RANBP2: variants seen among roughly 807,000 people sequenced by gnomAD.
The protein encoded by RANBP2 is E3 SUMO-protein ligase RanBP2.
RANBP2 carries 57 observed loss-of-function variants against 303.6 expected under a neutral mutation model. That is an observed-to-expected ratio of 0.19 (90% CI 0.15 to 0.23). The LOEUF is 0.23. RANBP2 is among the 10% of genes least tolerant of loss of function. The pLI, the probability that RANBP2 is intolerant of heterozygous loss-of-function variation, is 1.00. For synonymous variants in RANBP2, 1,167 were observed against 1,301.5 expected (o/e 0.90, Z 2.23); for missense variants, 3,138 against 3,780.8 (o/e 0.83, Z 4.46).
the RANBP2 span, among the ~76,000 whole-genome samples, chr2:109,509,694 C>T: frequency 1.3e-5 from 2 of 152,042 alleles, no homozygotes; most frequent in African/African-American, 2.4e-5. Context: ...ATCCTCCACC[C>T]CCTGCACCCT....
the RANBP2 span, among the ~76,000 whole-genome samples, chr2:109,424,894 GT>G: frequency 6.6e-6 from 1 of 152,188 alleles, no homozygotes; most frequent in Non-Finnish European, 1.5e-5. Context: ...CTCACTTTAA[GT>G]CAAAAGTTAG....
At chr2:109,230,162 C>T in the RANBP2 span, among the ~76,000 whole-genome samples, 22,120 of 151,840 alleles carry the variant, frequency 0.15, 3,045 homozygotes, top group African/African-American at 0.35. Flanking sequence ...AATATTCCGT[C>T]GTATGGATAT....
the RANBP2 span, among the ~76,000 whole-genome samples, chr2:109,425,667 T>G: frequency 6.6e-6 from 1 of 151,556 alleles, no homozygotes; most frequent in African/African-American, 2.4e-5. Flanking sequence ...TTCCTGAATA[T>G]TGTAAGTCCA....
the RANBP2 span, among the ~76,000 whole-genome samples, chr2:109,496,029 G>A: frequency 6.6e-6 from 1 of 152,190 alleles, no homozygotes; most frequent in Non-Finnish European, 1.5e-5. Context: ...AAAGGACAAA[G>A]CTTCCACATG....
At chr2:109,701,837 C>G in the RANBP2 span, among the ~76,000 whole-genome samples, 46 of 152,314 alleles carry the variant, frequency 3.0e-4, no homozygotes, top group East Asian at 8.3e-3. Flanking sequence ...CCTTTCACAA[C>G]CTTTACTTGA....
At chr2:109,079,152 C>A in the RANBP2 span, among the ~76,000 whole-genome samples, 1 of 151,670 alleles carries the variant, frequency 6.6e-6, no homozygotes, top group Non-Finnish European at 1.5e-5. Flanking sequence ...CAAGGCCAAC[C>A]CCTCCTCCTC....
At chr2:109,437,741 C>G in the RANBP2 span, among the ~76,000 whole-genome samples, 1 of 151,708 alleles carries the variant, frequency 6.6e-6, no homozygotes, top group Non-Finnish European at 1.5e-5. Flanking sequence ...ACCGGTTTGG[C>G]CCCAGGATGT....
At chr2:108,943,067 CT>C in the RANBP2 span, among the ~76,000 whole-genome samples, 1 of 152,282 alleles carries the variant, frequency 6.6e-6, no homozygotes, top group Admixed American at 6.5e-5. Context: ...TCAGAGTGGG[CT>C]TTTTTTCCCT....
At chr2:109,693,698 A>G in the RANBP2 span, among the ~76,000 whole-genome samples, 1 of 152,210 alleles carries the variant, frequency 6.6e-6, no homozygotes. Flanking sequence ...TGGTTTATAA[A>G]TTACCCATGT....
chr2:109,502,188 G>A, the RANBP2 span: 1 of 152,560 alleles, frequency 6.6e-6, no homozygotes, highest in South Asian at 2.1e-4. Context: ...TGTTTGTGAG[G>A]CCCTGGGGGT....
At chr2:108,979,837 G>C in the RANBP2 span, among the ~76,000 whole-genome samples, 1 of 152,106 alleles carries the variant, frequency 6.6e-6, no homozygotes, top group Non-Finnish European at 1.5e-5. Context: ...CTTCCTGCTA[G>C]GCCCTGACAG....
At chr2:109,615,744 C>T in the RANBP2 span, 1 of 1,614,030 alleles carries the variant, frequency 6.2e-7, no homozygotes, top group East Asian at 2.2e-5. Flanking sequence ...TTCAAAGGTG[C>T]TTCCCTCGCA....
chr2:109,565,040 T>A, the RANBP2 span, among the ~76,000 whole-genome samples: 1 of 152,226 alleles, frequency 6.6e-6, no homozygotes, highest in Non-Finnish European at 1.5e-5. Context: ...TCAAAATTAG[T>A]GAACACACTT....
the RANBP2 span, among the ~76,000 whole-genome samples, chr2:108,920,377 C>T: frequency 2.0e-5 from 3 of 152,214 alleles, no homozygotes; most frequent in African/African-American, 7.2e-5. Flanking sequence ...GGCAGGGCAA[C>T]GGGTTGACCT....
chr2:109,493,121 T>C, the RANBP2 span, among the ~76,000 whole-genome samples: 224 of 95,192 alleles, frequency 2.4e-3, 2 homozygotes, highest in African/African-American at 7.9e-3. Flanking sequence ...ATACATCATA[T>C]AAACACACAT....
the RANBP2 span, among the ~76,000 whole-genome samples, chr2:109,146,129 T>C: frequency 6.6e-6 from 1 of 152,202 alleles, no homozygotes; most frequent in East Asian, 1.9e-4. Flanking sequence ...GTCACCACTG[T>C]TACTGTTCTT....
the RANBP2 span, among the ~76,000 whole-genome samples, chr2:109,193,973 G>A: frequency 1.3e-5 from 2 of 152,154 alleles, no homozygotes; most frequent in South Asian, 4.1e-4. Flanking sequence ...GCTCCTTCTG[G>A]GGCACCAGAG....
chr2:109,133,686 C>T, the RANBP2 span, among the ~76,000 whole-genome samples: 3 of 148,686 alleles, frequency 2.0e-5, no homozygotes, highest in African/African-American at 7.4e-5. Flanking sequence ...GTGTTTGAGT[C>T]TTTCATACAT....
At chr2:109,270,650 G>A in the RANBP2 span, among the ~76,000 whole-genome samples, 3 of 152,190 alleles carry the variant, frequency 2.0e-5, no homozygotes, top group African/African-American at 7.2e-5. Flanking sequence ...CTAAGCAGAG[G>A]TATGACATAG....
Sources: gnomAD v4.1 joint callset for allele counts (sites outside exome capture counted in the v4.1 genomes callset) on GRCh38, gnomAD v4.1.1 for gene constraint, MANE v1.5 for transcripts, NCBI Gene and HGNC (gene_info 2026-07-23, HGNC 2026-07-21) for gene names.